UBIAD1: variants seen among roughly 807,000 people sequenced by gnomAD.
UBIAD1 encodes UbiA prenyltransferase domain containing 1.
In UBIAD1, 12 loss-of-function variants were observed where a neutral mutation model predicts 20.1. That is an observed-to-expected ratio of 0.60 (90% CI 0.38 to 0.97). The LOEUF (loss-of-function observed/expected upper bound fraction) is 0.97. Among genes scored for constraint, UBIAD1 ranks in the 50% least tolerant of loss-of-function variants. The pLI is 0.00. For missense variants in UBIAD1, 333 were observed against 419.5 expected (o/e 0.79, Z 1.80); for synonymous variants, 207 against 189.2 (o/e 1.09, Z -0.77).
intron 1 of UBIAD1, among the ~76,000 whole-genome samples, chr1:11,276,663 C>CA (rs765905706): frequency 0.028 from 2,013 of 71,524 alleles, 40 homozygotes; most frequent in African/African-American, 0.054. Flanking sequence ...GGCTCCATCT[C>CA]AAAAAAAAAA....
chr1:11,276,712 A>G (rs562202627), intron 1 of UBIAD1, among the ~76,000 whole-genome samples: 38 of 151,406 alleles, frequency 2.5e-4, no homozygotes, highest in Non-Finnish European at 4.7e-4. Context: ...ATATCTCCAT[A>G]TATGTATCCC....
downstream of UBIAD1, among the ~76,000 whole-genome samples, chr1:11,292,486 C>T (rs1464643009): frequency 6.6e-6 from 1 of 152,046 alleles, no homozygotes; most frequent in African/African-American, 2.4e-5. Flanking sequence ...TAAGGGTCTT[C>T]CAATCCTGTG....
chr1:11,278,493 G>A, intron 1 of UBIAD1: 1 of 455,686 alleles, frequency 2.2e-6, no homozygotes, highest in Non-Finnish European at 3.6e-6. Flanking sequence ...TCCAGGTCAT[G>A]TTTACCAGCC....
At chr1:11,279,299 C>G (rs1019380426) in intron 1 of UBIAD1, 2 of 219,716 alleles carry the variant, frequency 9.1e-6, no homozygotes, top group African/African-American at 4.6e-5. Flanking sequence ...AAGCATAACT[C>G]AAAGGTTTTG....
downstream of UBIAD1, among the ~76,000 whole-genome samples, chr1:11,290,213 C>T (rs1638346866): frequency 6.6e-6 from 1 of 152,168 alleles, no homozygotes; most frequent in South Asian, 2.1e-4. Context: ...AGGCAGGTGG[C>T]TGAAAATTCA....
Position 11,279,775 on chromosome 1 carries a change from A to G in UBIAD1, c.529+5715A>G, listed in dbSNP as rs905981781. Among the ~76,000 whole-genome samples the G allele has an allele frequency of 8.5e-5, 13 of 152,228 alleles. No individual in the cohort carries two copies. The South Asian group carries it at 1.0e-3, about 12-fold the overall frequency. On this transcript the variant is annotated intron_variant, in intron 1 of 1. Coordinates refer to ENST00000376810, the MANE Select transcript of UBIAD1 (RefSeq NM_013319.3). Reference sequence around the variant, plus strand: ...AACAAAGATGTCAAATGGGTAGTTCAAGTTCAGAGAAGCCTGGGCTAGAGA... The same window carrying G: ...AACAAAGATGTCAAATGGGTAGTTCGAGTTCAGAGAAGCCTGGGCTAGAGA...
intron 1 of UBIAD1, among the ~76,000 whole-genome samples, chr1:11,276,843 C>T (rs1416618968): frequency 6.6e-6 from 1 of 151,488 alleles, no homozygotes; most frequent in Admixed American, 6.6e-5. Flanking sequence ...AGAAATTCAT[C>T]AACTCCCCCC....
chr1:11,294,822 T>C lies in UBIAD1; in HGVS notation c.530-51T>C, dbSNP rs115079627. 1,627 of 717,460 alleles carry C rather than the reference T, an allele frequency of 2.3e-3. 20 individuals carry two copies. In the African/African-American group the frequency reaches 0.025, roughly 11 times the overall value. The allele number at this position is 717,460 out of a possible 1,614,324, so 44.4% of individuals were successfully genotyped here. A position where few individuals can be genotyped will look rare whatever the true frequency, so the allele number is the denominator to read the frequency against. On this transcript the variant is annotated intron_variant, in intron 1 of 1. Transcript: ENST00000376804. ...CGAAGGTTCAGTCTCAGGTTAAATTTATGCTCCTGTCCCCTCATCTGTCTG... is the reference window on the plus strand; with the variant it reads ...CGAAGGTTCAGTCTCAGGTTAAATTCATGCTCCTGTCCCCTCATCTGTCTG...
intron 1 of UBIAD1, among the ~76,000 whole-genome samples, chr1:11,284,830 G>T (rs575236349): frequency 2.0e-5 from 3 of 152,244 alleles, no homozygotes; most frequent in South Asian, 4.1e-4. Flanking sequence ...GGATGGAGAG[G>T]GGGAGGGGTT....
chr1:11,279,219 T>G (rs568419641), intron 1 of UBIAD1: 15 of 232,714 alleles, frequency 6.4e-5, no homozygotes, highest in African/African-American at 3.2e-4. Flanking sequence ...CCTGTCCACC[T>G]TGTAAATGTC....
chr1:11,274,931 AT>A lies in UBIAD1; in HGVS notation c.529+882del, dbSNP rs139319809. 5.0e-3 allele frequency among the ~76,000 whole-genome samples: 729 copies of A among 146,692 alleles called. 2 individuals carry two copies. The highest frequency in any genetic ancestry group is 9.1e-3 in the African/African-American group (368 of 40,316). ...CCTATATGGACATTTTTTCTGTCTC[AT>A]TTTTTTTTTTAATCACTCATACTTT... On this transcript the variant is annotated intron_variant, in intron 1 of 1. Coordinates refer to ENST00000376810, the MANE Select transcript of UBIAD1 (RefSeq NM_013319.3).
exon 2 of UBIAD1, chr1:11,295,018 C>T (rs1638425274): frequency 5.6e-6 from 4 of 709,124 alleles, no homozygotes; most frequent in Non-Finnish European, 5.2e-6. Context: ...GAGCCCCTTC[C>T]TGCCTCGGGG....
At chr1:11,281,204 C>T (rs1447048418) in intron 1 of UBIAD1, among the ~76,000 whole-genome samples, 1 of 152,186 alleles carries the variant, frequency 6.6e-6, no homozygotes, top group Non-Finnish European at 1.5e-5. Flanking sequence ...CAAATGTCAG[C>T]TGCTCAGTGA....
chr1:11,292,668 T>TATATACACACACACAC (rs1223161585), downstream of UBIAD1, among the ~76,000 whole-genome samples: 4 of 140,648 alleles, frequency 2.8e-5, no homozygotes, highest in Middle Eastern at 3.2e-3. Context: ...ATTTTATGTA[T>TATATACACACACACAC]ACACACACAC....
At chr1:11,290,668 C>T (rs1638353136), downstream of UBIAD1, among the ~76,000 whole-genome samples, 2 of 152,186 alleles carry the variant, frequency 1.3e-5, no homozygotes, top group Non-Finnish European at 2.9e-5. Context: ...CTTACTAACG[C>T]TTCCGTTACT....
chr1:11,297,343 A>G (rs980840491), downstream of UBIAD1, among the ~76,000 whole-genome samples: 20 of 152,288 alleles, frequency 1.3e-4, no homozygotes, highest in African/African-American at 4.8e-4. Context: ...GGAAGGCACT[A>G]TCTATGAACC....
In UBIAD1 at chr1:11,274,077, C is replaced by A; in HGVS notation, c.529+17C>A. ...ACACAGGAGGTAAGATTTGGCCTGT[C>A]CTGTGTGCTGCAGGTCTTAGTCGCG... On this transcript the variant is annotated intron_variant, in intron 1 of 1. Coordinates refer to ENST00000376810, the MANE Select transcript of UBIAD1 (RefSeq NM_013319.3). 1 of 1,613,928 alleles carries A rather than the reference C, an allele frequency of 6.2e-7. No homozygotes were observed. The highest frequency in any genetic ancestry group is 1.7e-5 in the Admixed American group (1 of 60,010).
At chr1:11,291,896 A>G (rs1319982410), downstream of UBIAD1, among the ~76,000 whole-genome samples, 1 of 152,024 alleles carries the variant, frequency 6.6e-6, no homozygotes, top group East Asian at 1.9e-4. Flanking sequence ...TTTTTTTAAA[A>G]CTTTTTTTTG....
intron 1 of UBIAD1, among the ~76,000 whole-genome samples, chr1:11,275,211 A>T (rs1651972294): frequency 1.3e-5 from 2 of 152,192 alleles, no homozygotes; most frequent in Admixed American, 1.3e-4. Context: ...TAAAAATAGA[A>T]AATTATAGTT....
Sources: gnomAD v4.1 joint callset for allele counts (sites outside exome capture counted in the v4.1 genomes callset) on GRCh38, gnomAD v4.1.1 for gene constraint, MANE v1.5 for transcripts, NCBI Gene and HGNC (gene_info 2026-07-23, HGNC 2026-07-21) for gene names.